The following WWOX variants were observed in gnomAD, a reference collection of about 807,000 sequenced individuals.
The protein encoded by WWOX is WW domain containing oxidoreductase, also known as WW domain-containing oxidoreductase.
WWOX carries 69 observed loss-of-function variants against 46.2 expected under a neutral mutation model. That is an observed-to-expected ratio of 1.49 (90% CI 1.23 to 1.82). WWOX has a LOEUF of 1.82. Among genes scored for constraint, WWOX ranks in the 40% most tolerant of loss-of-function variants. The pLI, the probability that WWOX is intolerant of heterozygous loss-of-function variation, is 0.00. For missense variants in WWOX, 919 were observed against 542.6 expected, an observed-to-expected ratio of 1.69 and a Z score of -6.89; for synonymous variants, 359 against 202.6, an observed-to-expected ratio of 1.77 and a Z score of -6.56.
At chr16:78,422,075 C>G (rs371917456) in intron 6 of WWOX, among the ~76,000 whole-genome samples, 1 of 152,102 alleles carries the variant, frequency 6.6e-6, no homozygotes, top group Non-Finnish European at 1.5e-5. Flanking sequence ...TTAAATATTG[C>G]AATGGTTATT....
At position 79,128,897 on chromosome 16, in the gene WWOX, G is replaced by A. The variant is rs77591852; in HGVS notation, c.1057-82711G>A. Among the ~76,000 whole-genome samples the A allele has an allele frequency of 5.8e-3, 887 of 152,226 alleles. 10 individuals are homozygous for A. Among genetic ancestry groups the A allele is most frequent in the African/African-American group, 0.02 (842 of 41,554 alleles). Reference sequence around the variant, plus strand: ...AGCAGTAAGGCCTGACTGGTGTCACGATCCCACAACCCGCACAAAGGTGCC... The same window carrying A: ...AGCAGTAAGGCCTGACTGGTGTCACAATCCCACAACCCGCACAAAGGTGCC... On this transcript the variant is annotated intron_variant, in intron 8 of 8. Coordinates refer to ENST00000566780, the MANE Select transcript of WWOX (RefSeq NM_016373.4).
At chr16:78,232,120 ATT>A in intron 5 of WWOX, among the ~76,000 whole-genome samples, 1 of 152,210 alleles carries the variant, frequency 6.6e-6, no homozygotes, top group African/African-American at 2.4e-5. Flanking sequence ...AGTATACCTT[ATT>A]TTTTTTAAAA....
chr16:78,326,359 G>C (rs1381620675), intron 5 of WWOX, among the ~76,000 whole-genome samples: 1 of 152,116 alleles, frequency 6.6e-6, no homozygotes, highest in Non-Finnish European at 1.5e-5. Flanking sequence ...GGCATATTCT[G>C]TCTTTTTATA....
At chr16:78,491,216 G>A (rs534355561) in intron 8 of WWOX, among the ~76,000 whole-genome samples, 3 of 152,216 alleles carry the variant, frequency 2.0e-5, no homozygotes, top group Admixed American at 2.0e-4. Context: ...TTACTCACCT[G>A]GGCCATTAAT....
At chr16:78,829,538 C>T (rs1028672885) in intron 8 of WWOX, among the ~76,000 whole-genome samples, 1 of 152,118 alleles carries the variant, frequency 6.6e-6, no homozygotes, top group Non-Finnish European at 1.5e-5. Flanking sequence ...GTGGCCCAGT[C>T]AAGTTGACAC....
At chr16:79,031,082 G>T (rs959698546) in intron 8 of WWOX, among the ~76,000 whole-genome samples, 4 of 120,554 alleles carry the variant, frequency 3.3e-5, no homozygotes, top group African/African-American at 1.3e-4. Context: ...AACAGAGTGA[G>T]ACCCTGTCTC....
chr16:78,911,193 A>G (rs2151255689), intron 8 of WWOX, among the ~76,000 whole-genome samples: 2 of 151,990 alleles, frequency 1.3e-5, no homozygotes, highest in Admixed American at 1.3e-4. Flanking sequence ...CCCACTTTCC[A>G]GTTATCAAAA....
chr16:78,626,530 T>C (rs552269761), intron 8 of WWOX, among the ~76,000 whole-genome samples: 1 of 152,286 alleles, frequency 6.6e-6, no homozygotes, highest in Admixed American at 6.5e-5. Context: ...CATCACATCG[T>C]ATCAAGCATT....
chr16:78,688,421 A>C, intron 8 of WWOX, among the ~76,000 whole-genome samples: 1 of 151,152 alleles, frequency 6.6e-6, no homozygotes, highest in South Asian at 2.1e-4. Context: ...GTCCTGATGC[A>C]CTAAGTCTCA....
At chr16:78,158,393 T>C (rs1015917857) in intron 4 of WWOX, among the ~76,000 whole-genome samples, 1 of 152,196 alleles carries the variant, frequency 6.6e-6, no homozygotes, top group African/African-American at 2.4e-5. Flanking sequence ...GATTACAAAA[T>C]ATGGTATTTT....
At chr16:78,271,799 A>T (rs1035511094) in intron 5 of WWOX, among the ~76,000 whole-genome samples, 1 of 152,156 alleles carries the variant, frequency 6.6e-6, no homozygotes, top group Non-Finnish European at 1.5e-5. Context: ...AGCCTTCTCT[A>T]CCTAACAAGG....
chr16:78,998,871 A>G (rs979946603), intron 8 of WWOX, among the ~76,000 whole-genome samples: 9 of 152,208 alleles, frequency 5.9e-5, no homozygotes, highest in African/African-American at 2.2e-4. Context: ...AAGTTCCCTT[A>G]TGCCTGGCAG....
chr16:78,185,997 G>A (rs919695306), intron 5 of WWOX, among the ~76,000 whole-genome samples: 15 of 152,160 alleles, frequency 9.9e-5, no homozygotes, highest in African/African-American at 2.9e-4. Context: ...CTTAAAGGCG[G>A]TGGCTAGCTC....
Position 78,345,892 on chromosome 16 carries a change from T to C in WWOX, c.517-40968T>C, listed in dbSNP as rs1316920501. On this transcript the variant is annotated intron_variant, in intron 5 of 8. Transcript: ENST00000566780. ...GCGGTCTAATTTATGTAAAATAAAT[T>C]GCATCCATTTAAATATACAATTCAA... 3.3e-5 allele frequency among the ~76,000 whole-genome samples: 4 copies of C among 119,686 alleles called. 1 individual carries two copies. Among genetic ancestry groups the C allele is most frequent in the African/African-American group, 1.1e-4 (4 of 35,198 alleles). 78.5% of individuals were successfully genotyped at this position (119,686 alleles called of 152,430 possible). A position where few individuals can be genotyped will look rare whatever the true frequency, so the allele number is the denominator to read the frequency against.
chr16:78,680,954 C>T (rs1034186341), intron 8 of WWOX, among the ~76,000 whole-genome samples: 1 of 151,902 alleles, frequency 6.6e-6, no homozygotes, highest in Non-Finnish European at 1.5e-5. Flanking sequence ...CTACAAAAAA[C>T]TAAAAAAATT....
chr16:78,725,344 C>CTTT (rs1220702069), intron 8 of WWOX, among the ~76,000 whole-genome samples: 72 of 61,866 alleles, frequency 1.2e-3, no homozygotes, highest in African/African-American at 2.2e-3. Context: ...CTTTTCTTTT[C>CTTT]TTTTTTTTTT....
chr16:78,234,443 G>A (rs2037371071), intron 5 of WWOX, among the ~76,000 whole-genome samples: 1 of 152,080 alleles, frequency 6.6e-6, no homozygotes, highest in South Asian at 2.1e-4. Context: ...TCGCCATACC[G>A]CTGGCTAAAG....
Position 78,345,217 on chromosome 16 carries a change from C to T in WWOX, c.517-41643C>T. 1.7e-5 allele frequency among the ~76,000 whole-genome samples: 2 copies of T among 117,120 alleles called. 1 individual carries two copies. The highest frequency in any genetic ancestry group is 4.0e-5 in the Non-Finnish European group (2 of 49,498). 76.8% of individuals were successfully genotyped at this position (117,120 alleles called of 152,430 possible). A position where few individuals can be genotyped will look rare whatever the true frequency, so the allele number is the denominator to read the frequency against. ...CAGAACTGCAGAACATCTGCACAATCTCCAGCAAGCTAACCTCTCTGGACA... is the reference window on the plus strand; with the variant it reads ...CAGAACTGCAGAACATCTGCACAATTTCCAGCAAGCTAACCTCTCTGGACA... On this transcript the variant is annotated intron_variant, in intron 5 of 8. Transcript: ENST00000566780.
chr16:78,192,090 T>C (rs1008927329), intron 5 of WWOX, among the ~76,000 whole-genome samples: 7 of 152,166 alleles, frequency 4.6e-5, no homozygotes, highest in African/African-American at 1.7e-4. Flanking sequence ...CCTATTACTA[T>C]CTAGGTGACA....
Sources: allele counts gnomAD v4.1 joint callset (sites outside exome capture counted in the v4.1 genomes callset), GRCh38; gene constraint gnomAD v4.1.1; transcripts MANE v1.5; gene names NCBI Gene and HGNC (gene_info 2026-07-23, HGNC 2026-07-21).